The following ZNF529 variants were observed in gnomAD, a reference collection of about 807,000 sequenced individuals.
ZNF529 encodes zinc finger protein 529.
ZNF529 carries 11 observed loss-of-function variants against 10.1 expected under a neutral mutation model. The observed-to-expected ratio is 1.09, with a 90% confidence interval of 0.69 to 1.81. ZNF529 has a LOEUF of 1.81. Among genes scored for constraint, ZNF529 ranks in the 40% most tolerant of loss-of-function variants. The pLI, the probability that ZNF529 is intolerant of heterozygous loss-of-function variation, is 0.00. For synonymous variants in ZNF529, 204 were observed against 215.7 expected, an observed-to-expected ratio of 0.95 and a Z score of 0.47; for missense variants, 624 against 666.8, an observed-to-expected ratio of 0.94 and a Z score of 0.71.
At chr19:36,557,042 G>A (rs1006093807) in intron 2 of ZNF529, among the ~76,000 whole-genome samples, 2 of 152,090 alleles carry the variant, frequency 1.3e-5, no homozygotes, top group Admixed American at 6.6e-5. Context: ...AACAAATCTC[G>A]AACACTGACC....
chr19:36,548,164 G>C lies in ZNF529; in HGVS notation c.394C>G (p.Gln132Glu). ...CTGAAATATCCCACTTCAGGTCCTT[G>C]TAAGTCAATCTTGCTTTTGCTTTGC... is the stretch of plus-strand genomic sequence containing the variant. ...DWQSKSKIDL[Q>E]GPEVGYFSQM... Residue 132 changes from glutamine to glutamate, a missense_variant, in exon 5 of 5, where the codon CAA becomes GAA. Gln to Glu is a conservative substitution (Grantham distance 29, BLOSUM62 2). Coordinates refer to ENST00000591340, the MANE Select transcript of ZNF529 (RefSeq NM_020951.5). The C allele has an allele frequency of 6.2e-7, 1 of 1,613,754 alleles. No homozygotes were observed. Among genetic ancestry groups the C allele is most frequent in the Non-Finnish European group, 8.5e-7 (1 of 1,179,830 alleles).
intron 2 of ZNF529, among the ~76,000 whole-genome samples, chr19:36,583,619 T>G (rs895098994): frequency 1.3e-5 from 2 of 150,826 alleles, no homozygotes; most frequent in Non-Finnish European, 2.9e-5. Flanking sequence ...ATAATAAAGT[T>G]GGCACCTACA....
In ZNF529 at chr19:36,567,154, CA is replaced by C. The variant is rs1422641623; in HGVS notation, c.14+5178del. On this transcript the variant is annotated intron_variant, in intron 2 of 4. Coordinates refer to ENST00000591340, the MANE Select transcript of ZNF529 (RefSeq NM_020951.5). ...GGCACGGAATATGGATAGATATATT[CA>C]TCAATGGAATAGAACTGAGTGAAAA... Among the ~76,000 whole-genome samples the C allele has an allele frequency of 2.0e-5, 3 of 152,112 alleles. No homozygotes were observed. The East Asian group carries it at 5.8e-4, about 29-fold the overall frequency.
At chr19:36,551,559 A>G (rs2035259084) in intron 4 of ZNF529, among the ~76,000 whole-genome samples, 1 of 152,134 alleles carries the variant, frequency 6.6e-6, no homozygotes, top group Non-Finnish European at 1.5e-5. Context: ...CTACTTACTT[A>G]CAGTAATATA....
In ZNF529 at chr19:36,572,401, C is replaced by T; in HGVS notation, c.-46-9G>A. ...GGCCTTCACTTGCAGAACTACATAA[C>T]CAAGAGGGAGAAAGGACTCATGACA... On this transcript the variant is annotated splice_polypyrimidine_tract_variant and intron_variant, in intron 1 of 4. Transcript: ENST00000591340. 1.9e-6 allele frequency: 3 copies of T among 1,547,108 alleles called. No individual in the cohort carries two copies. Among genetic ancestry groups the T allele is most frequent in the African/African-American group, 1.4e-5 (1 of 72,768 alleles).
At chr19:36,563,840 A>G (rs1005899960) in intron 2 of ZNF529, among the ~76,000 whole-genome samples, 3 of 152,220 alleles carry the variant, frequency 2.0e-5, no homozygotes, top group African/African-American at 4.8e-5. Flanking sequence ...CAAAAAGAAC[A>G]ATGCTGGTTA....
At chr19:36,552,822 G>C (rs1158292419) in intron 4 of ZNF529, among the ~76,000 whole-genome samples, 1 of 152,178 alleles carries the variant, frequency 6.6e-6, no homozygotes, top group Non-Finnish European at 1.5e-5. Context: ...AAAGAGAAAT[G>C]TGAGGGAACT....
intron 2 of ZNF529, among the ~76,000 whole-genome samples, chr19:36,561,614 T>C (rs1263896707): frequency 2.0e-5 from 3 of 152,074 alleles, no homozygotes; most frequent in African/African-American, 7.2e-5. Flanking sequence ...TAGGGCATTG[T>C]CCAGTGGAGT....
chr19:36,573,901 G>C (rs911715854), upstream of ZNF529, among the ~76,000 whole-genome samples: 4 of 152,188 alleles, frequency 2.6e-5, no homozygotes, highest in African/African-American at 4.8e-5. Context: ...TGTGACCCGT[G>C]GTCGTAAACC....
In ZNF529 at chr19:36,544,264, A is replaced by T. The variant is rs2034934679; in HGVS notation, c.*2602T>A. The T allele has an allele frequency of 6.6e-6, 1 of 152,192 alleles. No homozygotes were observed. Among genetic ancestry groups the T allele is most frequent in the Non-Finnish European group, 1.5e-5 (1 of 68,030 alleles). The allele number at this position is 152,192 out of a possible 1,614,324, so 9.4% of individuals were successfully genotyped here. A position where few individuals can be genotyped will look rare whatever the true frequency, so the allele number is the denominator to read the frequency against. On this transcript the variant is annotated 3_prime_UTR_variant, in exon 5 of 5. Transcript: ENST00000591340. ...AAGTTCATTACGAAGTTAAGTGAAA[A>T]ATGTTAATATGATAAAAATATAGCT...
In ZNF529 at chr19:36,547,772, G is replaced by C. The variant is rs758717695; in HGVS notation, c.786C>G (p.Thr262=). The change falls in exon 5 of 5, where the codon ACC becomes ACG. Residue 262 remains threonine, a synonymous_variant. Coordinates refer to ENST00000591340, the MANE Select transcript of ZNF529 (RefSeq NM_020951.5). ...KFYKCKEYRR[T]FERVGKVTPL... is the part of the protein sequence containing the mutation. The stretch of plus-strand genomic sequence containing the variant: ...GAGTAACTTTTCCAACTCTTTCAAA[G>C]GTCCTTCTGTATTCCTTACATTTAT... 2.5e-6 allele frequency: 4 copies of C among 1,612,668 alleles called. No homozygotes were observed. Among genetic ancestry groups the C allele is most frequent in the Non-Finnish European group, 3.4e-6 (4 of 1,179,426 alleles).
At position 36,572,339 on chromosome 19, in the gene ZNF529, T is replaced by G; in HGVS notation, c.8A>C (p.Asn3Thr). Residue 3 changes from asparagine to threonine, a missense_variant, in exon 2 of 5, where the codon AAC becomes ACC. Asn to Thr is a moderately conservative substitution (Grantham distance 65). Coordinates refer to ENST00000591340, the MANE Select transcript of ZNF529 (RefSeq NM_020951.5). MA[N>T]SSFIGDHVHG... ...AACAAAAAAAAAAACTAACCTTGAG[T>G]TGGCCATTAGTACCAATGCTGTCTT... The G allele has an allele frequency of 6.5e-7, 1 of 1,545,048 alleles. No individual in the cohort carries two copies. Among genetic ancestry groups the G allele is most frequent in the Non-Finnish European group, 8.7e-7 (1 of 1,145,464 alleles).
chr19:36,588,789 T>C (rs1473240453), intron 2 of ZNF529, among the ~76,000 whole-genome samples: 1 of 152,132 alleles, frequency 6.6e-6, no homozygotes, highest in Non-Finnish European at 1.5e-5. Context: ...TCCAACAATA[T>C]GCCCCTTCCC....
chr19:36,604,194 A>C (rs1410545021), intron 1 of ZNF529, among the ~76,000 whole-genome samples: 1 of 152,032 alleles, frequency 6.6e-6, no homozygotes, highest in Non-Finnish European at 1.5e-5. Flanking sequence ...CACACACACA[A>C]AATCTTTGGA....
At position 36,588,362 on chromosome 19, in the gene ZNF529, C is replaced by T. The variant is rs546444910; in HGVS notation, c.-41+1253G>A. Among the ~76,000 whole-genome samples the T allele has an allele frequency of 9.2e-5, 14 of 152,048 alleles. 1 individual carries two copies. Among genetic ancestry groups the T allele is most frequent in the South Asian group, 2.1e-4 (1 of 4,822 alleles). The stretch of plus-strand genomic sequence containing the variant: ...GAGATCTCTTGAGCTTTATTCAGAG[C>T]GTTGTTTTACCCTCCTAGTGTCCAC... On this transcript the variant is annotated intron_variant, in intron 2 of 4. Transcript: ENST00000585960.
At position 36,545,878 on chromosome 19, in the gene ZNF529, T is replaced by C. The variant is rs541142979; in HGVS notation, c.*988A>G. The C allele has an allele frequency of 6.6e-6, 1 of 151,876 alleles. No homozygotes were observed. Among genetic ancestry groups the C allele is most frequent in the Non-Finnish European group, 1.5e-5 (1 of 67,966 alleles). 9.4% of individuals were successfully genotyped at this position (151,876 alleles called of 1,614,324 possible). ...AATTTTAAGAGACTTACTGGGTGAG[T>C]AGTTTTATCAAATATTTAAAAGAGT... is the stretch of plus-strand genomic sequence containing the variant. On this transcript the variant is annotated 3_prime_UTR_variant, in exon 5 of 5. Transcript: ENST00000591340.
At chr19:36,578,214 G>A (rs1334017929), upstream of ZNF529, among the ~76,000 whole-genome samples, 6 of 146,288 alleles carry the variant, frequency 4.1e-5, no homozygotes, top group African/African-American at 7.5e-5. Flanking sequence ...ACAGGCCTGC[G>A]CCACCGCACG....
chr19:36,572,408 G>A lies in ZNF529; in HGVS notation c.-46-16C>T. 2 of 1,541,754 alleles carry A rather than the reference G, an allele frequency of 1.3e-6. No individual in the cohort carries two copies. The highest frequency in any genetic ancestry group is 1.4e-5 in the African/African-American group (1 of 72,622). On this transcript the variant is annotated splice_polypyrimidine_tract_variant and intron_variant, in intron 1 of 4. Coordinates refer to ENST00000591340, the MANE Select transcript of ZNF529 (RefSeq NM_020951.5). Reference sequence around the variant, plus strand: ...ACTTGCAGAACTACATAACCAAGAGGGAGAAAGGACTCATGACATCCTGGA... The same window carrying A: ...ACTTGCAGAACTACATAACCAAGAGAGAGAAAGGACTCATGACATCCTGGA...
intron 1 of ZNF529, among the ~76,000 whole-genome samples, chr19:36,598,367 G>A (rs1457831016): frequency 2.6e-5 from 4 of 151,954 alleles, no homozygotes; most frequent in East Asian, 1.9e-4. Flanking sequence ...AATATTAGCC[G>A]GGCCGAGTGA....
Sources: allele counts gnomAD v4.1 joint callset (sites outside exome capture counted in the v4.1 genomes callset), GRCh38; gene constraint gnomAD v4.1.1; transcripts MANE v1.5; gene names NCBI Gene and HGNC (gene_info 2026-07-23, HGNC 2026-07-21).